MAGI2: variants seen among roughly 807,000 people sequenced by gnomAD.
MAGI2 encodes membrane associated guanylate kinase, WW and PDZ domain containing 2.
MAGI2 carries 35 observed loss-of-function variants against 133.3 expected under a neutral mutation model. The ratio of observed to expected loss-of-function variants is 0.26; its 90% CI spans 0.20 to 0.35. MAGI2 has a LOEUF of 0.35. Among genes scored for constraint, MAGI2 ranks in the 10% least tolerant of loss-of-function variants. MAGI2 has a pLI of 1.00. For missense variants in MAGI2, 1,636 were observed against 1,863.4 expected (o/e 0.88, Z 2.25); for synonymous variants, 729 against 710.6 (o/e 1.03, Z -0.41).
chr7:78,032,083 T>G (rs1809651083), intron 21 of MAGI2, among the ~76,000 whole-genome samples: 1 of 150,626 alleles, frequency 6.6e-6, no homozygotes, highest in African/African-American at 2.4e-5. Flanking sequence ...AGAGCCCCTG[T>G]GCCTGGAGCT....
intron 2 of MAGI2, among the ~76,000 whole-genome samples, chr7:78,807,943 C>T (rs896489463): frequency 7.2e-5 from 11 of 152,112 alleles, no homozygotes; most frequent in Admixed American, 3.9e-4. Flanking sequence ...ATGCTAGTGC[C>T]TTGCCCCAGA....
At chr7:78,723,950 G>T (rs930105455) in intron 2 of MAGI2, among the ~76,000 whole-genome samples, 15 of 152,104 alleles carry the variant, frequency 9.9e-5, no homozygotes, top group African/African-American at 3.6e-4. Context: ...TTGATTGCCT[G>T]GAGAAAGAGG....
chr7:79,169,575 T>A (rs1825314555), intron 1 of MAGI2, among the ~76,000 whole-genome samples: 2 of 152,074 alleles, frequency 1.3e-5, no homozygotes, highest in Non-Finnish European at 2.9e-5. Context: ...CAGGGCAGGC[T>A]CAGCTGGCTT....
chr7:78,775,006 C>CAT (rs1485899494), intron 2 of MAGI2, among the ~76,000 whole-genome samples: 2 of 151,984 alleles, frequency 1.3e-5, no homozygotes, highest in African/African-American at 4.8e-5. Flanking sequence ...TCCACACTTA[C>CAT]ATATATATAG....
chr7:78,390,045 CTTAGT>C (rs1373498384), intron 6 of MAGI2, among the ~76,000 whole-genome samples: 2 of 152,090 alleles, frequency 1.3e-5, no homozygotes, highest in African/African-American at 4.8e-5. Context: ...TCAGAATTTT[CTTAGT>C]TTAATTTTGT....
intron 9 of MAGI2, among the ~76,000 whole-genome samples, chr7:78,294,539 A>AACTT (rs1320685604): frequency 2.0e-5 from 3 of 152,242 alleles, no homozygotes; most frequent in South Asian, 4.1e-4. Context: ...TGGATAAATA[A>AACTT]ACTTACCATT....
intron 9 of MAGI2, among the ~76,000 whole-genome samples, chr7:78,286,132 A>G (rs1483128031): frequency 6.6e-6 from 1 of 152,150 alleles, no homozygotes; most frequent in African/African-American, 2.4e-5. Context: ...ACGGTGTAAA[A>G]TGTATTCCTT....
intron 20 of MAGI2, among the ~76,000 whole-genome samples, chr7:78,106,018 A>G (rs1238163162): frequency 6.6e-6 from 1 of 151,880 alleles, no homozygotes; most frequent in African/African-American, 2.4e-5. Context: ...TGCCTGCTTC[A>G]CTTCCCAGTC....
At chr7:78,766,675 C>T (rs1825059226) in intron 2 of MAGI2, among the ~76,000 whole-genome samples, 1 of 152,184 alleles carries the variant, frequency 6.6e-6, no homozygotes. Context: ...GTGAATATCA[C>T]CTAAATTTTC....
rs1844230673 is a variant in MAGI2, at chr7:79,387,010, C to CAT, written c.301+66009_301+66010insAT. On this transcript the variant is annotated intron_variant, in intron 1 of 21. Coordinates refer to ENST00000354212, the MANE Select transcript of MAGI2 (RefSeq NM_012301.4). ...GTGGATATATATGTATACACACACA[C>CAT]ACGTTATATATAAATAGTGAAAAGT... Among the ~76,000 whole-genome samples, 3 of 114,138 alleles carry CAT rather than the reference C, an allele frequency of 2.6e-5. No individual in the cohort carries two copies. The South Asian group carries it at 8.0e-4, about 31-fold the overall frequency. The allele number at this position is 114,138 out of a possible 152,430, so 74.9% of individuals were successfully genotyped here.
At chr7:79,429,551 T>G (rs1847633899) in intron 1 of MAGI2, among the ~76,000 whole-genome samples, 1 of 152,134 alleles carries the variant, frequency 6.6e-6, no homozygotes, top group African/African-American at 2.4e-5. Context: ...GTGATCCGCC[T>G]GCTGTAGCCT....
At chr7:78,885,759 CAT>C (rs1421847144) in intron 2 of MAGI2, among the ~76,000 whole-genome samples, 2 of 152,054 alleles carry the variant, frequency 1.3e-5, no homozygotes, top group African/African-American at 4.8e-5. Context: ...CTTTTTCTCT[CAT>C]AGATGTGGAG....
chr7:79,284,354 A>G (rs2129558235), intron 1 of MAGI2, among the ~76,000 whole-genome samples: 1 of 152,228 alleles, frequency 6.6e-6, no homozygotes, highest in East Asian at 1.9e-4. Flanking sequence ...TCCATGTGTC[A>G]AAAGCCACAG....
At chr7:79,245,554 A>G (rs1563040223) in intron 1 of MAGI2, among the ~76,000 whole-genome samples, 1 of 152,294 alleles carries the variant, frequency 6.6e-6, no homozygotes. Flanking sequence ...GCATGTGGAA[A>G]GGGATGGTAA....
At chr7:79,335,040 A>G (rs933035432) in intron 1 of MAGI2, among the ~76,000 whole-genome samples, 5 of 152,180 alleles carry the variant, frequency 3.3e-5, no homozygotes, top group African/African-American at 1.2e-4. Flanking sequence ...TTCTTGGTTT[A>G]CATGGCTGAG....
intron 2 of MAGI2, among the ~76,000 whole-genome samples, chr7:78,992,716 T>C (rs1259986169): frequency 1.3e-5 from 2 of 152,060 alleles, no homozygotes; most frequent in African/African-American, 4.8e-5. Context: ...TGTACATTTT[T>C]AATGTATTTT....
intron 3 of MAGI2, among the ~76,000 whole-genome samples, chr7:78,567,690 G>A (rs1047449924): frequency 2.0e-5 from 3 of 152,052 alleles, no homozygotes; most frequent in African/African-American, 7.2e-5. Context: ...TGCATCGCCA[G>A]TTTTCCTCTC....
chr7:78,246,900 G>A (rs1014836942), intron 10 of MAGI2, among the ~76,000 whole-genome samples: 8 of 152,202 alleles, frequency 5.3e-5, no homozygotes, highest in South Asian at 2.1e-4. Context: ...GGCCCCCTGG[G>A]CCTAAGCTCC....
rs1051509510 is a variant in MAGI2 at position 79,307,599 on chromosome 7, C to CT, written c.301+145420dup. Among the ~76,000 whole-genome samples the CT allele has an allele frequency of 1.1e-3, 172 of 152,206 alleles. 1 individual carries two copies. Among genetic ancestry groups the CT allele is most frequent in the African/African-American group, 4.0e-3 (168 of 41,540 alleles). Reference sequence around the variant, plus strand: ...AGTAGATGTAATTGGATTTCTTCACCTTTTTTGTCAGCAAAAAGAAATAAC... The same window carrying CT: ...AGTAGATGTAATTGGATTTCTTCACCTTTTTTTGTCAGCAAAAAGAAATAAC... On this transcript the variant is annotated intron_variant, in intron 1 of 21. Transcript: ENST00000354212.
Sources: gnomAD v4.1 joint callset for allele counts (sites outside exome capture counted in the v4.1 genomes callset) on GRCh38, gnomAD v4.1.1 for gene constraint, MANE v1.5 for transcripts, NCBI Gene and HGNC (gene_info 2026-07-23, HGNC 2026-07-21) for gene names.